TOMM20L: variants seen among roughly 807,000 people sequenced by gnomAD.
The protein encoded by TOMM20L is translocase of outer mitochondrial membrane 20 like.
A neutral mutation model predicts 20.4 loss-of-function variants in TOMM20L; 19 were observed. The ratio of observed to expected loss-of-function variants is 0.93; its 90% CI spans 0.65 to 1.36. TOMM20L has a LOEUF of 1.36. TOMM20L is among the 40% of genes most tolerant of loss of function. The pLI, the probability that TOMM20L is intolerant of heterozygous loss-of-function variation, is 0.00. For synonymous variants in TOMM20L, 75 were observed against 79.6 expected, an observed-to-expected ratio of 0.94 and a Z score of 0.30; for missense variants, 218 against 203.7, an observed-to-expected ratio of 1.07 and a Z score of -0.43.
intron 1 of TOMM20L, 24 bp from the exon 2 acceptor site, chr14:58,396,274 G>T: frequency 1.2e-6 from 2 of 1,612,542 alleles, no homozygotes; most frequent in Non-Finnish European, 1.7e-6. Context: ...CTCCCAGCCA[G>T]CATGTGCCGT....
chr14:58,414,564 C>T, the TOMM20L span, among the ~76,000 whole-genome samples: 3 of 151,642 alleles, frequency 2.0e-5, no homozygotes, highest in East Asian at 1.9e-4. Flanking sequence ...ATAGTGAAAC[C>T]GCATCTCTAC....
chr14:58,407,143 G>A (rs539298398), intron 3 of TOMM20L, among the ~76,000 whole-genome samples, 183 bp from the exon 4 acceptor site: 3 of 152,168 alleles, frequency 2.0e-5, no homozygotes, highest in South Asian at 2.1e-4. Context: ...TAATATTGCC[G>A]CTTCACCACT....
At chr14:58,398,343 T>G (rs1240235567) in intron 2 of TOMM20L, among the ~76,000 whole-genome samples, 1 of 152,212 alleles carries the variant, frequency 6.6e-6, no homozygotes, top group African/African-American at 2.4e-5. Context: ...AATATTGTTG[T>G]TCATTGTAGG....
intron 3 of TOMM20L, among the ~76,000 whole-genome samples, chr14:58,406,838 T>G (rs1033458353): frequency 6.6e-6 from 1 of 152,210 alleles, no homozygotes; most frequent in East Asian, 1.9e-4. Flanking sequence ...ATCTCTTATT[T>G]TTTTCCCTGG....
At chr14:58,398,699 A>T (rs898818328) in intron 2 of TOMM20L, 6 of 151,124 alleles carry the variant, frequency 4.0e-5, no homozygotes, top group Non-Finnish European at 8.8e-5. Flanking sequence ...TAATTATAAT[A>T]TAATCTAATT....
At chr14:58,412,042 G>C, downstream of TOMM20L, 1 of 1,086,106 alleles carries the variant, frequency 9.2e-7, no homozygotes, top group Non-Finnish European at 1.4e-6. Flanking sequence ...AAGAGTTAGG[G>C]AATCACTGCT....
At chr14:58,411,213 C>A (rs576683366), downstream of TOMM20L, among the ~76,000 whole-genome samples, 36 of 151,978 alleles carry the variant, frequency 2.4e-4, no homozygotes, top group African/African-American at 8.2e-4. Context: ...TTTGGGAGGC[C>A]GAGGTGGGCG....
chr14:58,396,186 G>C, intron 1 of TOMM20L, 93 bp downstream of exon 1: 1 of 1,438,254 alleles, frequency 7.0e-7, no homozygotes, highest in South Asian at 1.4e-5. Context: ...CGGGCCGTGA[G>C]TGCCTCAGCC....
At position 58,396,100 on chromosome 14, in the gene TOMM20L, G is replaced by A. The variant is rs777500496; in HGVS notation, c.136+7G>A. ...AAGCGCCGCCTGCGGGACAGTGAGT[G>A]GGACCGAGGCGGAGGCGCGGCCGGG... On this transcript the variant is annotated splice_region_variant and intron_variant, in intron 1 of 4. Coordinates refer to ENST00000360945, the MANE Select transcript of TOMM20L (RefSeq NM_207377.3). 1 of 1,348,398 alleles carries A rather than the reference G, an allele frequency of 7.4e-7. No homozygotes were observed. Among genetic ancestry groups the A allele is most frequent in the East Asian group, 2.9e-5 (1 of 34,242 alleles). 83.5% of individuals were successfully genotyped at this position (1,348,398 alleles called of 1,614,324 possible).
chr14:58,410,879 AAC>A, downstream of TOMM20L: 1 of 1,613,124 alleles, frequency 6.2e-7, no homozygotes, highest in Non-Finnish European at 8.5e-7. Context: ...TGAAGTCTTT[AAC>A]ACAGTCCAAA....
chr14:58,399,122 G>A (rs1045903150), intron 2 of TOMM20L, among the ~76,000 whole-genome samples: 1 of 152,230 alleles, frequency 6.6e-6, no homozygotes, highest in African/African-American at 2.4e-5. Context: ...CTGAGCTCAA[G>A]CAGTCTGCCG....
rs1328815388 is a variant in TOMM20L, at chr14:58,407,366, T to C, written c.303T>C (p.Leu101=). Residue 101 remains leucine (L), a synonymous_variant, in exon 4 of 5, where the codon CTT becomes CTC. Transcript: ENST00000360945. Reference sequence around the variant, plus strand: ...GGATTCAACACCTCGGCAATGCCCTTTTAGTGTGCGAGCAACCACGGGAAC... The same window carrying C: ...GGATTCAACACCTCGGCAATGCCCTCTTAGTGTGCGAGCAACCACGGGAAC... ...RMGIQHLGNA[L]LVCEQPRELL... The C allele has an allele frequency of 6.2e-7, 1 of 1,613,396 alleles. No homozygotes were observed. The highest frequency in any genetic ancestry group is 1.3e-5 in the African/African-American group (1 of 74,880).
intron 4 of TOMM20L, among the ~76,000 whole-genome samples, chr14:58,407,847 G>A (rs1167584741): frequency 2.0e-5 from 3 of 152,156 alleles, no homozygotes; most frequent in African/African-American, 4.8e-5. Flanking sequence ...TGATTAGTAA[G>A]TTTTAGTCCA....
the TOMM20L span, among the ~76,000 whole-genome samples, chr14:58,413,976 C>T: frequency 1.1e-4 from 14 of 125,688 alleles, no homozygotes; most frequent in Non-Finnish European, 1.7e-4. Context: ...CACTGCACTC[C>T]GGCCTGGGTG....
rs1402081382 is a variant in TOMM20L, at chr14:58,404,109, A to G, written c.262+1348A>G. On this transcript the variant is annotated intron_variant, in intron 3 of 4. Transcript: ENST00000360945. ...TATATACATATATATGTATATATAT[A>G]TATATATATATTTTTTTTTTTTTTT... Among the ~76,000 whole-genome samples the G allele has an allele frequency of 6.3e-4, 11 of 17,596 alleles. 3 individuals carry two copies. In the South Asian group the frequency reaches 7.4e-3, roughly 12 times the overall value. The allele number at this position is 17,596 out of a possible 152,430, so 11.5% of individuals were successfully genotyped here. A position where few individuals can be genotyped will look rare whatever the true frequency, so the allele number is the denominator to read the frequency against.
At chr14:58,408,145 G>A (rs10135093) in intron 4 of TOMM20L, among the ~76,000 whole-genome samples, 6,302 of 152,220 alleles carry the variant, frequency 0.041, 404 homozygotes, top group African/African-American at 0.14. Context: ...GGCCAGGCGC[G>A]GTGGCTCACG....
rs869260438 is a variant in TOMM20L, at chr14:58,399,885, C to CATATATAT, written c.181-2758_181-2751dup. Among the ~76,000 whole-genome samples the CATATATAT allele has an allele frequency of 9.6e-3, 359 of 37,306 alleles. 21 individuals are homozygous for CATATATAT. The highest frequency in any genetic ancestry group is 0.011 in the Non-Finnish European group (242 of 21,390). 24.5% of individuals were successfully genotyped at this position (37,306 alleles called of 152,430 possible). ...ATTCTTATTTTCAAATGCTCTATTG[C>CATATATAT]ATATATATATATATATATATATATA... is the stretch of plus-strand genomic sequence containing the variant. On this transcript the variant is annotated intron_variant, in intron 2 of 4. Coordinates refer to ENST00000360945, the MANE Select transcript of TOMM20L (RefSeq NM_207377.3).
downstream of TOMM20L, among the ~76,000 whole-genome samples, chr14:58,409,814 G>T (rs985549338): frequency 6.6e-6 from 1 of 151,914 alleles, no homozygotes; most frequent in Non-Finnish European, 1.5e-5. Context: ...TCCTGACCTC[G>T]TGATCCGCCT....
chr14:58,405,072 G>A (rs2036041113), intron 3 of TOMM20L, among the ~76,000 whole-genome samples: 1 of 151,710 alleles, frequency 6.6e-6, no homozygotes, highest in South Asian at 2.1e-4. Flanking sequence ...AGGTTCAAGC[G>A]ATTCTCCGGC....
Sources: allele counts gnomAD v4.1 joint callset (sites outside exome capture counted in the v4.1 genomes callset), GRCh38; gene constraint gnomAD v4.1.1; transcripts MANE v1.5; gene names NCBI Gene and HGNC (gene_info 2026-07-23, HGNC 2026-07-21).